Variants in KCNN2 observed in about 807,000 individuals in gnomAD.
The protein encoded by KCNN2 is small conductance calcium-activated potassium channel protein 2.
In KCNN2, 24 loss-of-function variants were observed where a neutral mutation model predicts 55.5. That is an observed-to-expected ratio of 0.43 (90% CI 0.31 to 0.61). The LOEUF is 0.61. Ranked by LOEUF, KCNN2 falls within the 20% of genes least tolerant of loss-of-function variation. The pLI is 0.08. For missense variants in KCNN2, 754 were observed against 853.6 expected, an observed-to-expected ratio of 0.88 and a Z score of 1.45; for synonymous variants, 431 against 336.1, an observed-to-expected ratio of 1.28 and a Z score of -3.09.
At chr5:114,435,099 A>G (rs1393960668) in intron 3 of KCNN2, among the ~76,000 whole-genome samples, 1 of 152,038 alleles carries the variant, frequency 6.6e-6, no homozygotes, top group Non-Finnish European at 1.5e-5. Flanking sequence ...GCCACTCTCT[A>G]CCCGTCACTC....
chr5:114,087,678 T>C lies in KCNN2; in HGVS notation c.-271+31178T>C, dbSNP rs185316950. 2.3e-3 allele frequency among the ~76,000 whole-genome samples: 350 copies of C among 152,300 alleles called. 1 individual carries two copies. Among genetic ancestry groups the C allele is most frequent in the African/African-American group, 7.8e-3 (326 of 41,576 alleles). ...TTTCTAAAATCCATCTTATTTATTT[T>C]CTTTTCCTCTTTTTCTTTTTTTCTT... On this transcript the variant is annotated intron_variant, in intron 1 of 10. Coordinates refer to the KCNN2 transcript ENST00000512097.
intron 2 of KCNN2, among the ~76,000 whole-genome samples, chr5:114,300,718 G>A (rs1756136841): frequency 6.6e-6 from 1 of 152,188 alleles, no homozygotes; most frequent in Non-Finnish European, 1.5e-5. Context: ...GCTCTGACAG[G>A]AGTGTATCCA....
chr5:114,460,279 A>T (rs1761131203), intron 3 of KCNN2, among the ~76,000 whole-genome samples: 2 of 152,138 alleles, frequency 1.3e-5, no homozygotes, highest in South Asian at 4.1e-4. Context: ...TCACTCTGTC[A>T]TCCAGGCTGG....
At chr5:114,451,977 T>C (rs1760714287) in intron 3 of KCNN2, among the ~76,000 whole-genome samples, 1 of 151,052 alleles carries the variant, frequency 6.6e-6, no homozygotes, top group Admixed American at 6.6e-5. Context: ...ATACTGCCTG[T>C]TGCCACTGCT....
chr5:114,444,621 A>G (rs1310247117), intron 3 of KCNN2, among the ~76,000 whole-genome samples: 1 of 152,122 alleles, frequency 6.6e-6, no homozygotes, highest in East Asian at 1.9e-4. Context: ...AGACATAGGT[A>G]AAGGTGACTT....
chr5:114,241,794 G>GTA lies in KCNN2; in HGVS notation c.-185+20238_-185+20239dup, dbSNP rs1438516760. Among the ~76,000 whole-genome samples, 132 of 16,944 alleles carry GTA rather than the reference G, an allele frequency of 7.8e-3. 27 individuals are homozygous for GTA. The highest frequency in any genetic ancestry group is 0.01 in the Non-Finnish European group (108 of 10,686). The allele number at this position is 16,944 out of a possible 152,430, so 11.1% of individuals were successfully genotyped here. ...TATATACATATATACGTATATATAT[G>GTA]TATATATATACGTATATATATATAT... On this transcript the variant is annotated intron_variant, in intron 2 of 10. Transcript: ENST00000512097.
chr5:114,464,943 A>C (rs1761372250), intron 4 of KCNN2, among the ~76,000 whole-genome samples: 1 of 152,146 alleles, frequency 6.6e-6, no homozygotes, highest in Non-Finnish European at 1.5e-5. Flanking sequence ...TATTTTTAGG[A>C]GGCCCATAAC....
At chr5:114,440,668 AG>A (rs1561385164) in intron 3 of KCNN2, among the ~76,000 whole-genome samples, 2 of 52,252 alleles carry the variant, frequency 3.8e-5, no homozygotes, top group African/African-American at 1.5e-4. Context: ...TGCACTACTC[AG>A]GGGAAGTGGG....
rs77776491 is a variant in KCNN2, at chr5:114,068,546, T to A, written c.-271+12046T>A. On this transcript the variant is annotated intron_variant, in intron 1 of 10. Transcript: ENST00000512097. ...GGGTAAAAAGCTCAGGCTGCTCTCA[T>A]GTTCTGGGGCATACATTTCAGAGTC... Among the ~76,000 whole-genome samples, 130 of 152,290 alleles carry A rather than the reference T, an allele frequency of 8.5e-4. 2 individuals are homozygous for A. The East Asian group carries it at 0.022, about 26-fold the overall frequency.
chr5:114,181,021 T>C (rs895578075), intron 1 of KCNN2, among the ~76,000 whole-genome samples: 8 of 152,236 alleles, frequency 5.3e-5, no homozygotes, highest in Non-Finnish European at 1.2e-4. Flanking sequence ...TATGTTTATC[T>C]AATTTCTTAT....
intron 1 of KCNN2, among the ~76,000 whole-genome samples, chr5:114,111,542 G>A (rs540564114): frequency 4.5e-4 from 68 of 152,016 alleles, no homozygotes; most frequent in African/African-American, 1.5e-3. Flanking sequence ...GAGTGAACAG[G>A]CAACCTACAG....
At chr5:114,185,652 C>A (rs766566359) in intron 1 of KCNN2, among the ~76,000 whole-genome samples, 19 of 152,140 alleles carry the variant, frequency 1.2e-4, no homozygotes, top group Non-Finnish European at 2.5e-4. Flanking sequence ...TTTCCATGGC[C>A]GTGGGACAGA....
intron 2 of KCNN2, among the ~76,000 whole-genome samples, chr5:114,241,949 G>C (rs1406245148): frequency 6.7e-6 from 1 of 149,786 alleles, no homozygotes; most frequent in Non-Finnish European, 1.5e-5. Context: ...ATAGAACCAT[G>C]AAGTATGGAG....
intron 3 of KCNN2, among the ~76,000 whole-genome samples, chr5:114,449,124 A>G (rs1237931818): frequency 6.6e-6 from 1 of 152,020 alleles, no homozygotes; most frequent in Non-Finnish European, 1.5e-5. Flanking sequence ...TTGTCACTGA[A>G]CTTCCCACTT....
At chr5:114,165,884 G>T (rs997561619) in intron 1 of KCNN2, among the ~76,000 whole-genome samples, 1 of 151,930 alleles carries the variant, frequency 6.6e-6, no homozygotes, top group African/African-American at 2.4e-5. Context: ...AACTGTGTGG[G>T]GGTTGGCGTC....
intron 1 of KCNN2, among the ~76,000 whole-genome samples, chr5:114,220,036 G>T (rs1271215261): frequency 6.6e-6 from 1 of 152,010 alleles, no homozygotes; most frequent in Non-Finnish European, 1.5e-5. Flanking sequence ...TTAGTTTACA[G>T]ACCTTAAGAA....
At chr5:114,466,302 A>ATGAT (rs1232708289) in intron 4 of KCNN2, among the ~76,000 whole-genome samples, 1 of 152,094 alleles carries the variant, frequency 6.6e-6, no homozygotes, top group Non-Finnish European at 1.5e-5. Flanking sequence ...AAACAATGGG[A>ATGAT]TGATTTCTGA....
chr5:114,273,915 T>A (rs866626887), intron 2 of KCNN2, among the ~76,000 whole-genome samples: 1 of 152,232 alleles, frequency 6.6e-6, no homozygotes, highest in African/African-American at 2.4e-5. Flanking sequence ...AGACATGAAG[T>A]CTTTGCCCAT....
At chr5:114,142,904 A>C (rs1337946695) in intron 1 of KCNN2, among the ~76,000 whole-genome samples, 2 of 152,180 alleles carry the variant, frequency 1.3e-5, no homozygotes, top group Non-Finnish European at 2.9e-5. Flanking sequence ...GCCCGCATTG[A>C]CAAGACAATC....
Sources: gnomAD v4.1 joint callset for allele counts (sites outside exome capture counted in the v4.1 genomes callset) on GRCh38, gnomAD v4.1.1 for gene constraint, MANE v1.5 for transcripts, NCBI Gene and HGNC (gene_info 2026-07-23, HGNC 2026-07-21) for gene names.